CYP24A1: variants seen among roughly 807,000 people sequenced by gnomAD.
CYP24A1 encodes the protein cytochrome P450 family 24 subfamily A member 1.
In CYP24A1, 68 loss-of-function variants were observed where a neutral mutation model predicts 62.4. The observed-to-expected ratio is 1.09, with a 90% confidence interval of 0.90 to 1.33. CYP24A1 has a LOEUF of 1.33. Ranked by LOEUF, CYP24A1 falls within the 40% of genes most tolerant of loss-of-function variation. The pLI, the probability that CYP24A1 is intolerant of heterozygous loss-of-function variation, is 0.00. For missense variants in CYP24A1, 787 were observed against 653.0 expected, an observed-to-expected ratio of 1.21 and a Z score of -2.24; for synonymous variants, 267 against 253.0, an observed-to-expected ratio of 1.06 and a Z score of -0.52.
At chr20:54,147,931 T>TCAAGCAATTCTCCTGCCTCAGCCTC in the CYP24A1 span, among the ~76,000 whole-genome samples, 1 of 152,130 alleles carries the variant, frequency 6.6e-6, no homozygotes, top group Non-Finnish European at 1.5e-5. Context: ...ACTCCTGGGT[T>TCAAGCAATTCTCCTGCCTCAGCCTC]CAAGCAATTC....
At chr20:54,171,808 T>C in intron 2 of CYP24A1, 138 bp from the exon 3 acceptor site, 1 of 1,548,350 alleles carries the variant, frequency 6.5e-7, no homozygotes, top group Non-Finnish European at 8.7e-7. Flanking sequence ...CAGAGAATAT[T>C]AGCATCAGAA....
chr20:54,162,832 T>C lies in CYP24A1; in HGVS notation c.875A>G (p.Lys292Arg). ...ATCTGCACTAGGCTGCTGAGAATAC[T>C]TCTCTAACCGGTTGTCGATACAAGC... is the stretch of plus-strand genomic sequence containing the variant. ...VKACIDNRLE[K>R]YSQQPSADFL... The change falls in exon 7 of 12, where the codon AAG (lysine) becomes AGG (arginine). Residue 292 changes from lysine to arginine, a missense_variant. Physicochemically the swap from Lys to Arg is conservative, Grantham distance 26. Coordinates refer to ENST00000216862, the MANE Select transcript of CYP24A1 (RefSeq NM_000782.5). 1 of 1,572,932 alleles carries C rather than the reference T, an allele frequency of 6.4e-7. No homozygotes were observed. Among genetic ancestry groups the C allele is most frequent in the Non-Finnish European group, 8.8e-7 (1 of 1,142,496 alleles).
chr20:54,173,008 G>C lies in CYP24A1; in HGVS notation c.350C>G (p.Ala117Gly). Residue 117 changes from alanine to glycine, a missense_variant, in exon 2 of 12, where the codon GCG becomes GGG. By Grantham distance (60) the Ala-to-Gly change is moderately conservative. Transcript: ENST00000216862. This position sits in a 1 kb window ranked among gnomAD's most constrained non-coding sequence, Gnocchi z 7.2. ...VHLGSPCLLEALYRTESAYPQ... is the reference protein window; with the variant it reads ...VHLGSPCLLEGLYRTESAYPQ... Reference sequence around the variant, plus strand: ...GTACGCGCTCTCGGTGCGGTACAGCGCTTCCAGCAGGCATGGCGAGCCCAG... The same window carrying C: ...GTACGCGCTCTCGGTGCGGTACAGCCCTTCCAGCAGGCATGGCGAGCCCAG... 1 of 1,611,642 alleles carries C rather than the reference G, an allele frequency of 6.2e-7. No individual in the cohort carries two copies. Among genetic ancestry groups the C allele is most frequent in the Non-Finnish European group, 8.5e-7 (1 of 1,180,020 alleles).
chr20:54,158,965 T>A lies in CYP24A1; in HGVS notation c.1149A>T (p.Glu383Asp). 6.2e-7 allele frequency: 1 copy of A among 1,614,208 alleles called. No homozygotes were observed. The highest frequency in any genetic ancestry group is 1.1e-5 in the South Asian group (1 of 91,090). Residue 383 changes from glutamate to aspartate, a missense_variant, in exon 8 of 12, where the codon GAA becomes GAT. By Grantham distance (45) the Glu-to-Asp change is conservative. Transcript: ENST00000216862. ...CAGAGATAGGCTCTTACCTCATAGA[T>A]TCTTTCAGACAGGCTTTTAAATACG... ...NMPYLKACLK[E>D]SMRLTPSVPF...
Position 54,173,079 on chromosome 20 carries a change from A to G in CYP24A1, c.279T>C (p.Tyr93=). Residue 93 remains tyrosine, a synonymous_variant, in exon 2 of 12, where the codon TAT becomes TAC. Transcript: ENST00000216862. This position sits in a 1 kb window ranked among gnomAD's most constrained non-coding sequence, Gnocchi z 7.2. ...HDTLVEYHKK[Y]GKIFRMKLGS... is the part of the protein sequence containing the mutation. ...CCAACTTCATGCGGAAAATCTTGCCATACTTCTTGTGGTACTCCACCTGCA... is the reference window on the plus strand; with the variant it reads ...CCAACTTCATGCGGAAAATCTTGCCGTACTTCTTGTGGTACTCCACCTGCA... 6.2e-7 allele frequency: 1 copy of G among 1,604,346 alleles called. No individual in the cohort carries two copies. The highest frequency in any genetic ancestry group is 1.1e-5 in the South Asian group (1 of 91,082).
rs572891363 is a variant in CYP24A1 at position 54,153,590 on chromosome 20, A to G, written c.*1182T>C. The G allele has an allele frequency of 4.6e-4, 71 of 152,738 alleles. No individual in the cohort carries two copies. The highest frequency in any genetic ancestry group is 1.7e-3 in the African/African-American group (70 of 41,578). 9.5% of individuals were successfully genotyped at this position (152,738 alleles called of 1,614,324 possible). On this transcript the variant is annotated 3_prime_UTR_variant, in exon 12 of 12. Transcript: ENST00000216862. ...CCTAGATATGTACATATTTATTACAATATAAAGACATAAATGTATATTTCT... is the reference window on the plus strand; with the variant it reads ...CCTAGATATGTACATATTTATTACAGTATAAAGACATAAATGTATATTTCT...
chr20:54,161,942 G>A (rs143398689), intron 7 of CYP24A1, among the ~76,000 whole-genome samples: 1 of 152,304 alleles, frequency 6.6e-6, no homozygotes, highest in African/African-American at 2.4e-5. Context: ...TGAAATGTTG[G>A]ACTTAGGAGG....
At position 54,173,543 on chromosome 20, in the gene CYP24A1, C is replaced by A; in HGVS notation, c.37G>T (p.Ala13Ser). ...GGACTGCGCAGCTGCTGCAGGAAGG[C>A]GGCAAGCGAGCGGCTCTTGCTGATG... ...SPISKSRSLA[A>S]FLQQLRSPRQ... Residue 13 changes from alanine to serine, a missense_variant, in exon 1 of 12, where the codon GCC becomes TCC. By Grantham distance (99) the Ala-to-Ser change is moderately conservative (BLOSUM62 1). Transcript: ENST00000216862. The surrounding 1 kb of genome is among the most constrained non-coding windows in gnomAD (Gnocchi z 7.2). The A allele has an allele frequency of 6.3e-7, 1 of 1,581,328 alleles. No homozygotes were observed. The highest frequency in any genetic ancestry group is 1.1e-5 in the South Asian group (1 of 87,440).
intron 11 of CYP24A1, among the ~76,000 whole-genome samples, chr20:54,155,519 G>A (rs1328543187): frequency 2.6e-5 from 4 of 152,012 alleles, no homozygotes; most frequent in East Asian, 1.9e-4. Flanking sequence ...GGATCACGAG[G>A]TCAGGAGTTC....
intron 6 of CYP24A1, 52 bp downstream of exon 6, chr20:54,164,400 G>A: frequency 6.2e-7 from 1 of 1,613,496 alleles, no homozygotes; most frequent in South Asian, 1.1e-5. Flanking sequence ...TGAAGCTCCA[G>A]ACACGGGGGT....
At chr20:54,171,898 A>T in intron 2 of CYP24A1, 2 of 1,112,240 alleles carry the variant, frequency 1.8e-6, no homozygotes, top group Non-Finnish European at 2.4e-6. Context: ...CTAGTCAAAG[A>T]TTGCACCAAA....
chr20:54,169,529 A>G, intron 4 of CYP24A1, 63 bp downstream of exon 4: 2 of 1,611,958 alleles, frequency 1.2e-6, no homozygotes, highest in Non-Finnish European at 1.7e-6. Context: ...TTGTCAAAAG[A>G]GCCATGTTTT....
intron 2 of CYP24A1, chr20:54,171,974 A>G (rs1349656058): frequency 1.7e-5 from 8 of 463,908 alleles, no homozygotes; most frequent in Middle Eastern, 6.9e-4. Context: ...TGGGGCTGGG[A>G]GGCCTGGGGA....
In CYP24A1 at chr20:54,162,733, A is replaced by C. The variant is rs1253860248; in HGVS notation, c.974T>G (p.Leu325Arg). ...CACCCTTACCGTTTCCACCGCAGCC[A>C]GCTGGAGCTCTGTGACAGCAGCATA... Reference protein sequence around the residue: ...ELYAAVTELQLAAVETTANSL... With the variant: ...ELYAAVTELQRAAVETTANSL... The change falls in exon 7 of 12, where the codon CTG becomes CGG. Residue 325 changes from leucine (L) to arginine (R), a missense_variant. By Grantham distance (102) the Leu-to-Arg change is moderately radical. Coordinates refer to ENST00000216862, the MANE Select transcript of CYP24A1 (RefSeq NM_000782.5). 1.9e-6 allele frequency: 3 copies of C among 1,602,514 alleles called. No individual in the cohort carries two copies. Among genetic ancestry groups the C allele is most frequent in the Non-Finnish European group, 2.6e-6 (3 of 1,169,684 alleles).
chr20:54,172,720 T>C (rs1384247276), intron 2 of CYP24A1, 189 bp downstream of exon 2: 6 of 1,365,546 alleles, frequency 4.4e-6, no homozygotes, highest in Admixed American at 2.6e-5. Context: ...AGCACGGCTT[T>C]TCCGTGGACC....
At chr20:54,149,988 A>C (rs1044892456), downstream of CYP24A1, among the ~76,000 whole-genome samples, 1 of 152,202 alleles carries the variant, frequency 6.6e-6, no homozygotes, top group Admixed American at 6.5e-5. Flanking sequence ...CAACACCGGA[A>C]GGAATCCTCT....
chr20:54,164,419 G>C, intron 6 of CYP24A1, 33 bp downstream of exon 6: 1 of 1,613,880 alleles, frequency 6.2e-7, no homozygotes, highest in Non-Finnish European at 8.5e-7. Context: ...GTGCTGGGCT[G>C]GTTCTGGCTG....
intron 5 of CYP24A1, among the ~76,000 whole-genome samples, chr20:54,165,236 G>A (rs1371265360): frequency 6.6e-6 from 1 of 152,214 alleles, no homozygotes; most frequent in Non-Finnish European, 1.5e-5. Context: ...CAGATCAATG[G>A]CTGCATTAGA....
downstream of CYP24A1, among the ~76,000 whole-genome samples, chr20:54,148,872 C>T (rs923736973): frequency 1.3e-5 from 2 of 152,116 alleles, no homozygotes; most frequent in African/African-American, 2.4e-5. Flanking sequence ...TTTGGGAGGC[C>T]GATGTGGGCA....
Sources: allele counts gnomAD v4.1 joint callset (sites outside exome capture counted in the v4.1 genomes callset), GRCh38; gene constraint gnomAD v4.1.1; non-coding constraint Gnocchi (gnomAD v3.1); transcripts MANE v1.5; gene names NCBI Gene and HGNC (gene_info 2026-07-23, HGNC 2026-07-21).